The following MGAT5 variants were observed in gnomAD, a reference collection of about 807,000 sequenced individuals.
The protein encoded by MGAT5 is alpha-1,6-mannosylglycoprotein 6-beta-N-acetylglucosaminyltransferase, also known as alpha-1,6-mannosylglycoprotein 6-beta-N-acetylglucosaminyltransferase A.
In MGAT5, 30 loss-of-function variants were observed where a neutral mutation model predicts 94.3. The ratio of observed to expected loss-of-function variants is 0.32; its 90% CI spans 0.24 to 0.43. MGAT5 has a LOEUF of 0.43. MGAT5 is among the 20% of genes least tolerant of loss of function. The pLI, the probability that MGAT5 is intolerant of heterozygous loss-of-function variation, is 1.00. For missense variants in MGAT5, 691 were observed against 905.5 expected, an observed-to-expected ratio of 0.76 and a Z score of 3.04; for synonymous variants, 310 against 322.9, an observed-to-expected ratio of 0.96 and a Z score of 0.43.
intron 1 of MGAT5, among the ~76,000 whole-genome samples, chr2:134,212,682 A>T (rs1344466997): frequency 6.6e-6 from 1 of 152,246 alleles, no homozygotes; most frequent in African/African-American, 2.4e-5. Context: ...AATTTGGGAC[A>T]GCTCCAACTT....
intron 2 of MGAT5, among the ~76,000 whole-genome samples, chr2:134,296,633 A>G (rs558743340): frequency 1.8e-4 from 27 of 152,256 alleles, no homozygotes; most frequent in Admixed American, 1.8e-3. Flanking sequence ...CTTTTTATAC[A>G]ACTGACCTTG....
intron 1 of MGAT5, among the ~76,000 whole-genome samples, chr2:134,196,402 TA>T (rs11405614): frequency 6.9e-4 from 101 of 145,806 alleles, no homozygotes; most frequent in African/African-American, 1.2e-3. Flanking sequence ...TCTTAAGGCT[TA>T]AAAAAAAAAA....
chr2:134,439,613 C>T (rs1174689906), intron 14 of MGAT5, among the ~76,000 whole-genome samples: 1 of 152,086 alleles, frequency 6.6e-6, no homozygotes, highest in Non-Finnish European at 1.5e-5. Context: ...AGGAGAATTG[C>T]GTGAATCCAG....
At chr2:134,138,660 G>T (rs1686528422) in intron 1 of MGAT5, among the ~76,000 whole-genome samples, 2 of 152,190 alleles carry the variant, frequency 1.3e-5, no homozygotes, top group Admixed American at 1.3e-4. Flanking sequence ...CTGTTACCGT[G>T]TCTTGTGCAC....
intron 10 of MGAT5, among the ~76,000 whole-genome samples, chr2:134,381,662 A>G (rs1413929843): frequency 2.0e-5 from 3 of 152,186 alleles, no homozygotes; most frequent in Admixed American, 1.3e-4. Flanking sequence ...TAGAATCATT[A>G]TAGTTCCAGG....
chr2:134,364,286 G>A (rs185272594), intron 10 of MGAT5, among the ~76,000 whole-genome samples: 2 of 152,166 alleles, frequency 1.3e-5, no homozygotes, highest in Non-Finnish European at 2.9e-5. Flanking sequence ...GATCACCTGA[G>A]GTCAGGAGTT....
intron 1 of MGAT5, among the ~76,000 whole-genome samples, chr2:134,185,105 A>G (rs1326938734): frequency 2.0e-5 from 3 of 152,152 alleles, no homozygotes; most frequent in African/African-American, 7.2e-5. Context: ...GCAAAGGCAT[A>G]AGAATGATAT....
chr2:134,360,746 C>T (rs35435253), intron 9 of MGAT5, among the ~76,000 whole-genome samples: 15,034 of 152,292 alleles, frequency 0.099, 861 homozygotes, highest in South Asian at 0.21. Context: ...AAGCAACTAT[C>T]GCCTCTTGTT....
chr2:134,172,506 C>A (rs1688261958), intron 1 of MGAT5, among the ~76,000 whole-genome samples: 1 of 152,158 alleles, frequency 6.6e-6, no homozygotes, highest in African/African-American at 2.4e-5. Flanking sequence ...CCTGCATCAG[C>A]CTCCCAAGTA....
intron 2 of MGAT5, among the ~76,000 whole-genome samples, chr2:134,275,505 G>A (rs1197675670): frequency 6.6e-6 from 1 of 151,118 alleles, no homozygotes. Flanking sequence ...AGCTGTGGGC[G>A]ATTTTGCCCC....
Position 134,273,417 on chromosome 2 carries a change from G to A in MGAT5, c.406+2867G>A, listed in dbSNP as rs140611791. ...TCTCTCCCTTCCTGAATGGAGACAT[G>A]CGGTAATTGCTCAGAAATGTTCTCC... On this transcript the variant is annotated intron_variant, in intron 2 of 15. Coordinates refer to ENST00000281923, the MANE Select transcript of MGAT5 (RefSeq NM_002410.5). 5.4e-3 allele frequency among the ~76,000 whole-genome samples: 823 copies of A among 152,290 alleles called. 5 individuals are homozygous for A. Among genetic ancestry groups the A allele is most frequent in the African/African-American group, 0.019 (784 of 41,562 alleles).
At chr2:134,124,897 A>T (rs1456960935) in intron 1 of MGAT5, among the ~76,000 whole-genome samples, 1 of 152,168 alleles carries the variant, frequency 6.6e-6, no homozygotes, top group Non-Finnish European at 1.5e-5. Context: ...TTTGAACTTC[A>T]CGCTTTAAAG....
At chr2:134,288,341 C>G (rs1224234528) in intron 2 of MGAT5, among the ~76,000 whole-genome samples, 1 of 152,172 alleles carries the variant, frequency 6.6e-6, no homozygotes, top group African/African-American at 2.4e-5. Context: ...ACGGCCTGTG[C>G]GCCAAAATCT....
upstream of MGAT5, among the ~76,000 whole-genome samples, chr2:134,252,405 A>G (rs1682661236): frequency 6.6e-6 from 1 of 152,196 alleles, no homozygotes. Flanking sequence ...GTTGAGCCTC[A>G]TTTTAATAGG....
chr2:134,135,736 G>GGTATAGCA (rs1686380390), intron 1 of MGAT5, among the ~76,000 whole-genome samples: 1 of 151,258 alleles, frequency 6.6e-6, no homozygotes, highest in Middle Eastern at 3.4e-3. Flanking sequence ...CCACATGTGG[G>GGTATAGCA]GTATAGCAGA....
intron 1 of MGAT5, among the ~76,000 whole-genome samples, chr2:134,206,884 G>A (rs997276992): frequency 1.3e-5 from 2 of 152,178 alleles, no homozygotes; most frequent in Non-Finnish European, 2.9e-5. Flanking sequence ...CTACCCCTTC[G>A]CTTCTACCCA....
chr2:134,342,209 C>T (rs1688673562), intron 7 of MGAT5, among the ~76,000 whole-genome samples: 1 of 152,150 alleles, frequency 6.6e-6, no homozygotes, highest in Non-Finnish European at 1.5e-5. Context: ...GATCCTTTTT[C>T]AATTAGCCAA....
At chr2:134,235,768 A>G (rs1004739266) in intron 1 of MGAT5, among the ~76,000 whole-genome samples, 1 of 144,198 alleles carries the variant, frequency 6.9e-6, no homozygotes, top group African/African-American at 2.6e-5. Flanking sequence ...AAGTATTTTT[A>G]ATGGGCTTAT....
At position 134,336,252 on chromosome 2, in the gene MGAT5, A is replaced by C. The variant is rs1375177470; in HGVS notation, c.609A>C (p.Ala203=). The change falls in exon 5 of 16, where the codon GCA becomes GCC. Residue 203 remains alanine (A), a synonymous_variant. Coordinates refer to ENST00000281923, the MANE Select transcript of MGAT5 (RefSeq NM_002410.5). The part of the protein sequence containing the change: ...ENWCPHLPWR[A]KNPYEEADHN... ...GGTGTCCTCATTTACCTTGGAGAGC[A>C]AAAAATCCCTACGAAGAAGCTGATC... The C allele has an allele frequency of 6.2e-7, 1 of 1,612,502 alleles. No homozygotes were observed. The highest frequency in any genetic ancestry group is 8.5e-7 in the Non-Finnish European group (1 of 1,179,178).
Sources: gnomAD v4.1 joint callset for allele counts (sites outside exome capture counted in the v4.1 genomes callset) on GRCh38, gnomAD v4.1.1 for gene constraint, MANE v1.5 for transcripts, NCBI Gene and HGNC (gene_info 2026-07-23, HGNC 2026-07-21) for gene names.